SVEP1: variants seen among roughly 807,000 people sequenced by gnomAD.
SVEP1 encodes sushi, von Willebrand factor type A, EGF and pentraxin domain containing 1.
A neutral mutation model predicts 367.3 loss-of-function variants in SVEP1; 164 were observed. The ratio of observed to expected loss-of-function variants is 0.45; its 90% CI spans 0.39 to 0.51. The LOEUF (loss-of-function observed/expected upper bound fraction) is 0.51. SVEP1 is among the 20% of genes least tolerant of loss of function. The pLI is 0.00. For missense variants in SVEP1, 4,117 were observed against 4,425.3 expected (o/e 0.93, Z 1.98); for synonymous variants, 1,666 against 1,611.6 (o/e 1.03, Z -0.81).
At chr9:110,389,721 T>G in intron 40 of SVEP1, 134 bp from the exon 41 acceptor site, 1 of 944,604 alleles carries the variant, frequency 1.1e-6, no homozygotes, top group Non-Finnish European at 1.5e-6. Flanking sequence ...TTAAAAACAT[T>G]TTTGAAAGTC....
chr9:110,377,055 G>A (rs989056621), intron 45 of SVEP1: 8 of 400,716 alleles, frequency 2.0e-5, no homozygotes, highest in African/African-American at 1.7e-4. Flanking sequence ...ATGTGAAAAT[G>A]ACTTTAGATG....
At chr9:110,379,073 T>C (rs906253408) in intron 44 of SVEP1, among the ~76,000 whole-genome samples, 6 of 152,140 alleles carry the variant, frequency 3.9e-5, no homozygotes, top group Non-Finnish European at 7.3e-5. Flanking sequence ...AAAATCATAT[T>C]TTATTATAAA....
chr9:110,386,120 C>T (rs1363596770), intron 42 of SVEP1, 46 bp from the exon 43 acceptor site: 1 of 1,574,912 alleles, frequency 6.3e-7, no homozygotes. Context: ...CCCCTCTTTT[C>T]CTAATGTATT....
intron 39 of SVEP1, 49 bp downstream of exon 39, chr9:110,404,278 A>C (rs759970415): frequency 6.4e-7 from 1 of 1,555,896 alleles, no homozygotes; most frequent in African/African-American, 1.4e-5. Context: ...TTGCTTGGCA[A>C]TATATGTATA....
At chr9:110,370,115 G>C in intron 46 of SVEP1, 99 bp from the exon 47 acceptor site, 1 of 1,036,738 alleles carries the variant, frequency 9.6e-7, no homozygotes, top group Non-Finnish European at 1.4e-6. Flanking sequence ...ACTTCCTGCA[G>C]CAGCCACTGC....
intron 43 of SVEP1, among the ~76,000 whole-genome samples, chr9:110,380,435 TAAGGTGGACA>T (rs546432546): frequency 1.5e-3 from 229 of 152,280 alleles, no homozygotes; most frequent in African/African-American, 5.1e-3. Flanking sequence ...TTTTCCCCTC[TAAGGTGGACA>T]AAATGCCTAC....
chr9:110,406,389 G>T lies in SVEP1; in HGVS notation c.9211C>A (p.Pro3071Thr), dbSNP rs779622829. 3.7e-6 allele frequency: 6 copies of T among 1,614,030 alleles called. No homozygotes were observed. The Admixed American group carries it at 1.0e-4, about 27-fold the overall frequency. Reference sequence around the variant, plus strand: ...CTGGTCTCACTGATGAACGCATTTGGTATCATTGGAAGAGAACCACAAGAA... The same window carrying T: ...CTGGTCTCACTGATGAACGCATTTGTTATCATTGGAAGAGAACCACAAGAA... ...HTSCGSLPMI[P>T]NAFISETSSW... Residue 3071 changes from proline (P) to threonine (T), a missense_variant, in exon 38 of 48, where the codon CCA becomes ACA. Pro to Thr is a conservative substitution (Grantham distance 38, BLOSUM62 -1). This residue lies in a region of SVEP1 where 1,765 missense variants were observed against 1,781.1 expected (regional missense o/e 0.99). Coordinates refer to ENST00000374469, the MANE Select transcript of SVEP1 (RefSeq NM_153366.4).
chr9:110,436,271 T>C, intron 28 of SVEP1, 109 bp downstream of exon 28: 1 of 1,384,410 alleles, frequency 7.2e-7, no homozygotes, highest in Non-Finnish European at 9.7e-7. Context: ...TGATAAATTC[T>C]GATAACCAAG....
At chr9:110,510,524 G>A (rs1024157008) in intron 5 of SVEP1, among the ~76,000 whole-genome samples, 1 of 152,222 alleles carries the variant, frequency 6.6e-6, no homozygotes, top group Non-Finnish European at 1.5e-5. Flanking sequence ...CAACAGTGGA[G>A]GGTTGAGAGG....
At chr9:110,563,575 G>A (rs1014318697) in intron 1 of SVEP1, among the ~76,000 whole-genome samples, 1 of 152,084 alleles carries the variant, frequency 6.6e-6, no homozygotes, top group African/African-American at 2.4e-5. Flanking sequence ...AAAGAATGAG[G>A]GCAACCACAC....
intron 14 of SVEP1, among the ~76,000 whole-genome samples, chr9:110,473,128 A>ATTGTT (rs59076506): frequency 0.27 from 41,395 of 151,840 alleles, 6,052 homozygotes; most frequent in Non-Finnish European, 0.32. Context: ...TGGCCATTCT[A>ATTGTT]TTGTTATGTA....
chr9:110,397,494 G>C (rs1827783048), intron 40 of SVEP1, among the ~76,000 whole-genome samples: 1 of 152,070 alleles, frequency 6.6e-6, no homozygotes, highest in Non-Finnish European at 1.5e-5. Flanking sequence ...TTCTGGCCAG[G>C]GCAATCAGGC....
intron 1 of SVEP1, among the ~76,000 whole-genome samples, chr9:110,554,432 C>A (rs13292863): frequency 6.6e-6 from 1 of 152,022 alleles, no homozygotes; most frequent in East Asian, 1.9e-4. Flanking sequence ...CTAAAGCCCC[C>A]TACTGTGGTC....
At chr9:110,442,152 C>A (rs16915037) in intron 27 of SVEP1, among the ~76,000 whole-genome samples, 6,624 of 152,298 alleles carry the variant, frequency 0.043, 466 homozygotes, top group African/African-American at 0.15. Flanking sequence ...TCCTTGGGTA[C>A]AGGCTTTCAT....
In SVEP1 at chr9:110,427,791, G is replaced by C. The variant is rs745539077; in HGVS notation, c.5808-33C>G. On this transcript the variant is annotated intron_variant, in intron 35 of 47. Coordinates refer to ENST00000374469, the MANE Select transcript of SVEP1 (RefSeq NM_153366.4). ...AAAGAATGATGTTACTCTTTCATTG[G>C]CTATGGATTTGCTGCTATGGAGATA... is the stretch of plus-strand genomic sequence containing the variant. 6.3e-6 allele frequency: 10 copies of C among 1,589,516 alleles called. No individual in the cohort carries two copies. The South Asian group carries it at 1.0e-4, about 16-fold the overall frequency.
intron 40 of SVEP1, among the ~76,000 whole-genome samples, chr9:110,400,065 G>A (rs904985354): frequency 6.6e-6 from 1 of 152,168 alleles, no homozygotes; most frequent in East Asian, 1.9e-4. Flanking sequence ...CAGGAATGAA[G>A]TTGGTATTAG....
chr9:110,414,685 AG>A (rs1828091849), intron 36 of SVEP1, among the ~76,000 whole-genome samples: 1 of 152,014 alleles, frequency 6.6e-6, no homozygotes, highest in Non-Finnish European at 1.5e-5. Flanking sequence ...ACTGGGTAGA[AG>A]CTTACTAATG....
At position 110,465,891 on chromosome 9, in the gene SVEP1, C is replaced by T; in HGVS notation, c.3296G>A (p.Gly1099Glu). The change falls in exon 18 of 48, where the codon GGA becomes GAA. Residue 1099 changes from glycine to glutamate, a missense_variant. Gly to Glu is a moderately conservative substitution (Grantham distance 98). Coordinates refer to ENST00000374469, the MANE Select transcript of SVEP1 (RefSeq NM_153366.4). ...CPENTSTVKR[G>E]AVNISACGVP... is the part of the protein sequence containing the mutation. ...TCCACATGCAGAAATGTTCACGGCT[C>T]CTCTTTTCACAGTTGAGGTGTTTTC... 1 of 1,613,112 alleles carries T rather than the reference C, an allele frequency of 6.2e-7. No homozygotes were observed. The highest frequency in any genetic ancestry group is 8.5e-7 in the Non-Finnish European group (1 of 1,179,530).
rs535241806 is a variant in SVEP1 at position 110,550,496 on chromosome 9, A to G, written c.532-392T>C. The stretch of plus-strand genomic sequence containing the variant: ...CCACAAATTATCTATCTATCTATCT[A>G]TCTATCTATCTATCTATCTATCTAT... On this transcript the variant is annotated intron_variant, in intron 1 of 47. Coordinates refer to ENST00000374469, the MANE Select transcript of SVEP1 (RefSeq NM_153366.4). Among the ~76,000 whole-genome samples, 55 of 150,998 alleles carry G rather than the reference A, an allele frequency of 3.6e-4. 1 individual carries two copies. In the South Asian group the frequency reaches 0.011, roughly 29 times the overall value.
Sources: allele counts gnomAD v4.1 joint callset (sites outside exome capture counted in the v4.1 genomes callset), GRCh38; gene constraint gnomAD v4.1.1; regional missense constraint gnomAD v4.1.1; transcripts MANE v1.5; gene names NCBI Gene and HGNC (gene_info 2026-07-23, HGNC 2026-07-21).